The following SARDH variants were observed in gnomAD, a reference collection of about 807,000 sequenced individuals.
The protein encoded by SARDH is sarcosine dehydrogenase, mitochondrial.
A neutral mutation model predicts 109.1 loss-of-function variants in SARDH; 95 were observed. The ratio of observed to expected loss-of-function variants is 0.87; its 90% CI spans 0.74 to 1.03. The LOEUF (loss-of-function observed/expected upper bound fraction) is 1.03. Ranked by LOEUF, SARDH falls within the 50% of genes least tolerant of loss-of-function variation. SARDH has a pLI of 0.00. For synonymous variants in SARDH, 572 were observed against 534.8 expected (o/e 1.07, Z -0.96); for missense variants, 1,267 against 1,287.8 (o/e 0.98, Z 0.25).
At chr9:133,670,422 T>C (rs1830300620) in intron 19 of SARDH, among the ~76,000 whole-genome samples, 162 bp downstream of exon 19, 1 of 152,160 alleles carries the variant, frequency 6.6e-6, no homozygotes, top group Non-Finnish European at 1.5e-5. Context: ...TTGGCCTCGA[T>C]TTCCTTATCT....
intron 17 of SARDH, among the ~76,000 whole-genome samples, chr9:133,675,504 T>C (rs922800118): frequency 3.3e-5 from 5 of 152,092 alleles, no homozygotes; most frequent in Admixed American, 2.6e-4. Flanking sequence ...CCCATGAGGA[T>C]GACAATTATA....
At chr9:133,679,527 C>T (rs1034941413) in intron 17 of SARDH, among the ~76,000 whole-genome samples, 2 of 152,208 alleles carry the variant, frequency 1.3e-5, no homozygotes, top group African/African-American at 2.4e-5. Context: ...CGGCGGGGCC[C>T]GTCCTCGGCA....
chr9:133,690,638 C>T, intron 15 of SARDH, 111 bp from the exon 16 acceptor site: 2 of 1,267,538 alleles, frequency 1.6e-6, no homozygotes, highest in South Asian at 1.3e-5. Context: ...CTCTCAGGGG[C>T]CTGTGCCTTC....
intron 8 of SARDH, among the ~76,000 whole-genome samples, chr9:133,715,603 G>A (rs1832090586): frequency 6.6e-6 from 1 of 152,264 alleles, no homozygotes; most frequent in Middle Eastern, 3.4e-3. Flanking sequence ...CAGGACAGAG[G>A]GGGCTGGACT....
chr9:133,661,489 T>G (rs1225959463), downstream of SARDH, among the ~76,000 whole-genome samples: 1 of 151,202 alleles, frequency 6.6e-6, no homozygotes, highest in African/African-American at 2.4e-5. Context: ...TTCTTTTTTT[T>G]GTTGTTTTTG....
rs953008002 is a variant in SARDH at position 133,686,860 on chromosome 9, C to T, written c.2070-1574G>A. On this transcript the variant is annotated intron_variant, in intron 16 of 20. Transcript: ENST00000439388. The surrounding 1 kb of genome is among the most constrained non-coding windows in gnomAD (Gnocchi z 4.0). ...TAACCACTCAGCACCCACGTGGTGC[C>T]AAGCCCTGGAGAGTGATACCAGTGC... Among the ~76,000 whole-genome samples the T allele has an allele frequency of 6.6e-6, 1 of 152,218 alleles. No homozygotes were observed. Among genetic ancestry groups the T allele is most frequent in the Non-Finnish European group, 1.5e-5 (1 of 68,042 alleles).
chr9:133,720,748 G>A (rs1163995164), intron 6 of SARDH, among the ~76,000 whole-genome samples: 1 of 152,166 alleles, frequency 6.6e-6, no homozygotes, highest in Non-Finnish European at 1.5e-5. Flanking sequence ...ACCACCCCAT[G>A]ATTCAATTAT....
intron 16 of SARDH, among the ~76,000 whole-genome samples, chr9:133,688,923 G>A (rs919370006): frequency 1.2e-4 from 18 of 152,348 alleles, no homozygotes; most frequent in Admixed American, 7.2e-4. Context: ...GCAAGCACGC[G>A]TCTACCGTGT....
chr9:133,705,084 G>T (rs1588426674), intron 11 of SARDH, 53 bp from the exon 12 acceptor site: 2 of 1,508,132 alleles, frequency 1.3e-6, no homozygotes, highest in Non-Finnish European at 1.8e-6. Flanking sequence ...ATACCCCTGC[G>T]CAGGGCAGAG....
In SARDH at chr9:133,693,859, G is replaced by A. The variant is rs1393879084; in HGVS notation, c.1921+399C>T. Among the ~76,000 whole-genome samples, 2 of 152,244 alleles carry A rather than the reference G, an allele frequency of 1.3e-5. No individual in the cohort carries two copies. The highest frequency in any genetic ancestry group is 6.5e-5 in the Admixed American group (1 of 15,290). ...AAGGGCCTATCCAAGCTCCAGACTA[G>A]AGGGTCACACGGGCCTGAGAAGTCA... On this transcript the variant is annotated intron_variant, in intron 15 of 20. Coordinates refer to ENST00000439388, the MANE Select transcript of SARDH (RefSeq NM_001134707.2). This position sits in a 1 kb window ranked among gnomAD's most constrained non-coding sequence, Gnocchi z 5.6.
intron 17 of SARDH, among the ~76,000 whole-genome samples, chr9:133,675,921 T>A (rs1057286094): frequency 6.6e-6 from 1 of 152,014 alleles, no homozygotes; most frequent in Admixed American, 6.5e-5. Flanking sequence ...GGAGGCCCTG[T>A]CTCTACAAAA....
At chr9:133,680,661 G>A (rs1410457230) in intron 17 of SARDH, among the ~76,000 whole-genome samples, 2 of 152,182 alleles carry the variant, frequency 1.3e-5, no homozygotes, top group African/African-American at 4.8e-5. Context: ...TCGAGTCCCC[G>A]GCCTCATCTC....
chr9:133,731,745 C>T (rs947657049), intron 3 of SARDH, among the ~76,000 whole-genome samples: 3 of 152,248 alleles, frequency 2.0e-5, no homozygotes, highest in African/African-American at 7.2e-5. Context: ...GGGGCAAAGT[C>T]GCTTCAGGCT....
Position 133,705,018 on chromosome 9 carries a change from T to G in SARDH, c.1484A>C (p.Gln495Pro), listed in dbSNP as rs1174063584. ...RDPLHEELLGQGCVFQERHGW... is the reference protein window; with the variant it reads ...RDPLHEELLGPGCVFQERHGW... ...ATGCCGCTCCTGGAACACGCAGCCTTGTCCAAGGAGTTCCTGAGCAGGAGT... is the reference window on the plus strand; with the variant it reads ...ATGCCGCTCCTGGAACACGCAGCCTGGTCCAAGGAGTTCCTGAGCAGGAGT... The change falls in exon 12 of 21, where the codon CAA becomes CCA. Residue 495 changes from glutamine (Q) to proline (P), a missense_variant. Physicochemically the swap from Gln to Pro is moderately conservative, Grantham distance 76 (BLOSUM62 -1). Coordinates refer to ENST00000439388, the MANE Select transcript of SARDH (RefSeq NM_001134707.2). The G allele has an allele frequency of 1.3e-6, 2 of 1,591,938 alleles. No homozygotes were observed.
At chr9:133,732,819 T>A (rs1009927283) in intron 2 of SARDH, among the ~76,000 whole-genome samples, 2 of 151,386 alleles carry the variant, frequency 1.3e-5, no homozygotes, top group African/African-American at 2.4e-5. Flanking sequence ...GCTCAGAGAG[T>A]GACATAGCAA....
chr9:133,726,067 C>G (rs1218846550), intron 6 of SARDH, among the ~76,000 whole-genome samples: 2 of 152,078 alleles, frequency 1.3e-5, no homozygotes, highest in Non-Finnish European at 2.9e-5. Flanking sequence ...TTCCTAGTAA[C>G]TGAGCACTGT....
intron 8 of SARDH, among the ~76,000 whole-genome samples, chr9:133,716,083 C>T (rs1472570608): frequency 2.6e-5 from 4 of 152,238 alleles, no homozygotes; most frequent in Non-Finnish European, 4.4e-5. Context: ...GCTCAGATCA[C>T]GTATCCGCGG....
chr9:133,678,957 C>G (rs1830605671), intron 17 of SARDH, among the ~76,000 whole-genome samples: 1 of 152,198 alleles, frequency 6.6e-6, no homozygotes. Context: ...AACCTGGAAC[C>G]GATTGCCCCT....
rs768626769 is a variant in SARDH at position 133,732,567 on chromosome 9, C to G, written c.366G>C (p.Glu122Asp). Residue 122 changes from glutamate (E) to aspartate (D), a missense_variant, in exon 3 of 21, where the codon GAG becomes GAC. Transcript: ENST00000439388. ...LLWQLRPSDV[E>D]VELLAHTRRV... The stretch of plus-strand genomic sequence containing the variant: ...GCCGAGTGTGGGCCAGAAGCTCCAC[C>G]TCCACGTCACTGGGCCGCAGCTGCC... 2 of 1,612,528 alleles carry G rather than the reference C, an allele frequency of 1.2e-6. No homozygotes were observed. The highest frequency in any genetic ancestry group is 1.7e-5 in the Admixed American group (1 of 59,938).
Sources: gnomAD v4.1 joint callset for allele counts (sites outside exome capture counted in the v4.1 genomes callset) on GRCh38, gnomAD v4.1.1 for gene constraint, Gnocchi (gnomAD v3.1) non-coding constraint, MANE v1.5 for transcripts, NCBI Gene and HGNC (gene_info 2026-07-23, HGNC 2026-07-21) for gene names.